Variants in LYRM4 observed in about 807,000 individuals in gnomAD.
The protein encoded by LYRM4 is LYR motif containing 4.
LYRM4 carries 9 observed loss-of-function variants against 11.7 expected under a neutral mutation model. The ratio of observed to expected loss-of-function variants is 0.77; its 90% CI spans 0.46 to 1.34. The LOEUF (loss-of-function observed/expected upper bound fraction) is 1.34. Among genes scored for constraint, LYRM4 ranks in the 40% most tolerant of loss-of-function variants. The pLI is 0.00. For missense variants in LYRM4, 133 were observed against 112.5 expected (o/e 1.18, Z -0.82); for synonymous variants, 42 against 40.4 (o/e 1.04, Z -0.15).
At chr6:5,101,672 C>A (rs1031382597), downstream of LYRM4, among the ~76,000 whole-genome samples, 1 of 152,196 alleles carries the variant, frequency 6.6e-6, no homozygotes, top group African/African-American at 2.4e-5. Flanking sequence ...ATTCAGGCAA[C>A]ATCACACAGC....
chr6:5,112,371 C>T (rs1449259432), intron 2 of LYRM4, among the ~76,000 whole-genome samples: 4 of 152,326 alleles, frequency 2.6e-5, no homozygotes, highest in African/African-American at 7.2e-5. Context: ...CTGTGATGAG[C>T]GAGCGAGCGA....
At chr6:5,200,808 G>C (rs1394437015) in intron 2 of LYRM4, among the ~76,000 whole-genome samples, 1 of 151,950 alleles carries the variant, frequency 6.6e-6, no homozygotes, top group East Asian at 2.0e-4. Flanking sequence ...AACTGGTCTG[G>C]AGTAGACTGG....
At chr6:5,054,563 G>A in the LYRM4 span, 1 of 153,734 alleles carries the variant, frequency 6.5e-6, no homozygotes, top group South Asian at 2.1e-4. Context: ...ACTTGGTTAC[G>A]AGAAGTGCAA....
chr6:5,098,075 T>C, the LYRM4 span, among the ~76,000 whole-genome samples: 2 of 152,202 alleles, frequency 1.3e-5, no homozygotes, highest in Non-Finnish European at 2.9e-5. Context: ...CCTCCTGCCT[T>C]GGCTTCCTGA....
intron 1 of LYRM4, among the ~76,000 whole-genome samples, chr6:5,242,665 G>C (rs547425167): frequency 6.6e-6 from 1 of 151,542 alleles, no homozygotes; most frequent in South Asian, 2.1e-4. Context: ...GCTGCAATGA[G>C]CCAAGATCAT....
At chr6:5,077,162 T>G in the LYRM4 span, among the ~76,000 whole-genome samples, 2 of 152,310 alleles carry the variant, frequency 1.3e-5, no homozygotes, top group East Asian at 3.9e-4. Context: ...ACAGTGGGGA[T>G]ACCCATTAGG....
At chr6:5,060,615 C>T in the LYRM4 span, among the ~76,000 whole-genome samples, 1 of 152,166 alleles carries the variant, frequency 6.6e-6, no homozygotes, top group South Asian at 2.1e-4. Flanking sequence ...CACACGTCTG[C>T]CTCTCGGGTT....
chr6:5,253,070 T>C (rs1339182271), intron 1 of LYRM4, among the ~76,000 whole-genome samples: 3 of 152,234 alleles, frequency 2.0e-5, no homozygotes, highest in Non-Finnish European at 4.4e-5. Flanking sequence ...GAGCTTGTAA[T>C]GTTTTACCCT....
chr6:5,071,535 T>TAA, the LYRM4 span, among the ~76,000 whole-genome samples: 1 of 150,972 alleles, frequency 6.6e-6, no homozygotes, highest in Non-Finnish European at 1.5e-5. Context: ...ATAAACTTTA[T>TAA]ATATATATGT....
At chr6:5,220,140 G>A (rs1485944698) in intron 1 of LYRM4, among the ~76,000 whole-genome samples, 1 of 152,098 alleles carries the variant, frequency 6.6e-6, no homozygotes, top group Non-Finnish European at 1.5e-5. Flanking sequence ...CCATTGCAAG[G>A]ATTATACTCT....
chr6:5,046,868 T>G, the LYRM4 span, among the ~76,000 whole-genome samples: 17 of 152,124 alleles, frequency 1.1e-4, no homozygotes, highest in African/African-American at 4.1e-4. Flanking sequence ...GAAGGGTGGA[T>G]CGCTTGAGCC....
the LYRM4 span, among the ~76,000 whole-genome samples, chr6:5,045,871 C>T: frequency 2.6e-5 from 4 of 152,232 alleles, no homozygotes; most frequent in East Asian, 1.9e-4. Flanking sequence ...TTACCCAGAA[C>T]GGACTTACCT....
chr6:5,105,351 G>A (rs563979822), downstream of LYRM4: 9 of 152,396 alleles, frequency 5.9e-5, no homozygotes, highest in East Asian at 3.9e-4. Context: ...ACCCCAGCCA[G>A]TTCTCAGGGT....
the LYRM4 span, chr6:5,031,929 G>C: frequency 1.3e-5 from 2 of 152,074 alleles, no homozygotes; most frequent in Admixed American, 6.5e-5. Flanking sequence ...TTGATCAATG[G>C]AAACACTCAA....
At chr6:5,220,641 G>A (rs899864938) in intron 1 of LYRM4, among the ~76,000 whole-genome samples, 8 of 152,146 alleles carry the variant, frequency 5.3e-5, no homozygotes, top group African/African-American at 1.9e-4. Context: ...GGAGGGTGCT[G>A]GTGTATTCCG....
At chr6:5,225,305 A>G (rs934443202) in intron 1 of LYRM4, among the ~76,000 whole-genome samples, 7 of 151,532 alleles carry the variant, frequency 4.6e-5, no homozygotes, top group African/African-American at 1.4e-4. Context: ...GGTAAAAAAG[A>G]TGTAAGGTGG....
At chr6:5,069,514 C>T in the LYRM4 span, among the ~76,000 whole-genome samples, 1 of 151,244 alleles carries the variant, frequency 6.6e-6, no homozygotes, top group African/African-American at 2.4e-5. Context: ...CGAAGTCTTG[C>T]TCTGTCACTA....
chr6:5,123,924 G>C (rs1416354429), intron 2 of LYRM4, among the ~76,000 whole-genome samples: 1 of 152,260 alleles, frequency 6.6e-6, no homozygotes. Flanking sequence ...TGTGCTGCAA[G>C]AGGTGAAGAT....
the LYRM4 span, among the ~76,000 whole-genome samples, chr6:5,083,042 G>C: frequency 2.6e-5 from 4 of 152,186 alleles, no homozygotes; most frequent in East Asian, 1.9e-4. Flanking sequence ...GAGCTCCCCG[G>C]GGGTGGGACC....
Sources: gnomAD v4.1 joint callset for allele counts (sites outside exome capture counted in the v4.1 genomes callset) on GRCh38, gnomAD v4.1.1 for gene constraint, MANE v1.5 for transcripts, NCBI Gene and HGNC (gene_info 2026-07-23, HGNC 2026-07-21) for gene names.